The following RNF111 variants were observed in gnomAD, a reference collection of about 807,000 sequenced individuals.
RNF111 encodes E3 ubiquitin-protein ligase Arkadia.
RNF111 carries 17 observed loss-of-function variants against 95.1 expected under a neutral mutation model. The observed-to-expected ratio is 0.18, with a 90% CI of 0.12 to 0.27. RNF111 has a LOEUF of 0.27. Among genes scored for constraint, RNF111 ranks in the 10% least tolerant of loss-of-function variants. The pLI is 1.00. For synonymous variants in RNF111, 440 were observed against 414.8 expected, an observed-to-expected ratio of 1.06 and a Z score of -0.74; for missense variants, 1,189 against 1,210.4, an observed-to-expected ratio of 0.98 and a Z score of 0.26.
At chr15:59,046,504 T>C (rs2041716289) in intron 2 of RNF111, among the ~76,000 whole-genome samples, 1 of 152,218 alleles carries the variant, frequency 6.6e-6, no homozygotes, top group Non-Finnish European at 1.5e-5. Flanking sequence ...GTTCTGTTCT[T>C]TGGAGTATTG....
chr15:59,012,310 C>T (rs2039864735), intron 1 of RNF111, among the ~76,000 whole-genome samples: 1 of 152,092 alleles, frequency 6.6e-6, no homozygotes, highest in Non-Finnish European at 1.5e-5. Context: ...TGAGCCACTG[C>T]ACCTGGCCTG....
At chr15:59,058,255 GT>G (rs1198614304) in intron 4 of RNF111, 100 bp from the exon 5 acceptor site, 4 of 967,916 alleles carry the variant, frequency 4.1e-6, no homozygotes, top group East Asian at 2.7e-5. Flanking sequence ...TATTTTTAAA[GT>G]TTTTTTATTT....
At chr15:59,047,252 T>C (rs1384467070) in intron 2 of RNF111, among the ~76,000 whole-genome samples, 2 of 152,180 alleles carry the variant, frequency 1.3e-5, no homozygotes, top group Non-Finnish European at 1.5e-5. Context: ...TCCTAGCACT[T>C]TGGGAGTCCA....
intron 2 of RNF111, among the ~76,000 whole-genome samples, chr15:59,050,031 C>T (rs533227694): frequency 4.6e-5 from 7 of 150,590 alleles, no homozygotes; most frequent in South Asian, 4.2e-4. Flanking sequence ...TGAGCCACCA[C>T]GCCCGGCCCA....
intron 1 of RNF111, among the ~76,000 whole-genome samples, chr15:59,018,484 T>A (rs572070731): frequency 6.6e-6 from 1 of 152,180 alleles, no homozygotes; most frequent in Admixed American, 6.5e-5. Flanking sequence ...TTTAAATATA[T>A]TATGTTCTCA....
chr15:59,004,979 C>T (rs1000766926), intron 1 of RNF111, among the ~76,000 whole-genome samples: 3 of 152,164 alleles, frequency 2.0e-5, no homozygotes, highest in Non-Finnish European at 2.9e-5. Context: ...TGTGTTGATT[C>T]TAGGCATATA....
In RNF111 at chr15:59,094,930, C is replaced by G. The variant is rs2079152238; in HGVS notation, c.*30C>G. 2 of 1,265,850 alleles carry G rather than the reference C, an allele frequency of 1.6e-6. No individual in the cohort carries two copies. The highest frequency in any genetic ancestry group is 1.5e-5 in the African/African-American group (1 of 68,134). 78.4% of individuals were successfully genotyped at this position (1,265,850 alleles called of 1,614,324 possible). On this transcript the variant is annotated 3_prime_UTR_variant, in exon 14 of 14. Transcript: ENST00000348370. ...ATGTTTCAGAACTCTTGCCCTCCCTCTCATTCCCATCCTTCCTGGTACTGC... is the reference window on the plus strand; with the variant it reads ...ATGTTTCAGAACTCTTGCCCTCCCTGTCATTCCCATCCTTCCTGGTACTGC...
chr15:59,044,262 C>T (rs962205426), intron 2 of RNF111, among the ~76,000 whole-genome samples: 3 of 152,156 alleles, frequency 2.0e-5, no homozygotes, highest in African/African-American at 7.2e-5. Flanking sequence ...AACTCCTGAC[C>T]TCAGGTGATC....
intron 1 of RNF111, among the ~76,000 whole-genome samples, chr15:59,023,177 G>A (rs779685201): frequency 6.6e-6 from 1 of 152,184 alleles, no homozygotes; most frequent in Non-Finnish European, 1.5e-5. Flanking sequence ...GAATCCGGGA[G>A]GCGTAGGTTG....
At chr15:59,055,486 T>C (rs896801137) in intron 3 of RNF111, among the ~76,000 whole-genome samples, 196 bp from the exon 4 acceptor site, 8 of 141,964 alleles carry the variant, frequency 5.6e-5, no homozygotes, top group Non-Finnish European at 1.1e-4. Context: ...CACTAATGAT[T>C]GGTACAACAT....
intron 7 of RNF111, among the ~76,000 whole-genome samples, chr15:59,080,444 A>G (rs2078707257): frequency 6.6e-6 from 1 of 152,052 alleles, no homozygotes; most frequent in African/African-American, 2.4e-5. Context: ...TCTTGATGGA[A>G]ATATTAATTA....
At chr15:59,069,741 C>A (rs1287965290) in intron 6 of RNF111, among the ~76,000 whole-genome samples, 1 of 152,042 alleles carries the variant, frequency 6.6e-6, no homozygotes, top group Non-Finnish European at 1.5e-5. Flanking sequence ...CTAAAATTAA[C>A]CAAATGCTCA....
chr15:59,034,900 C>T (rs1201911613), intron 2 of RNF111, among the ~76,000 whole-genome samples: 1 of 152,148 alleles, frequency 6.6e-6, no homozygotes, highest in Non-Finnish European at 1.5e-5. Flanking sequence ...ACAACTTTTT[C>T]ATACAATGTG....
chr15:59,094,095 T>C lies in RNF111; in HGVS notation c.2844-688T>C, dbSNP rs543834523. ...TGCTTGGGGGCTTTATTTCTCAATT[T>C]CTAATTGGTAATTTGGCATGATGTA... On this transcript the variant is annotated intron_variant, in intron 13 of 13. Transcript: ENST00000348370. 2.1e-4 allele frequency among the ~76,000 whole-genome samples: 32 copies of C among 152,310 alleles called. 1 individual carries two copies. The South Asian group carries it at 6.2e-3, about 30-fold the overall frequency.
rs1402544056 is a variant in RNF111, at chr15:59,067,521, T to C, written c.1686+438T>C. On this transcript the variant is annotated intron_variant, in intron 6 of 13. Transcript: ENST00000348370. ...TTATACACTAAATTAATCACATTCTTACACTCGAAAATGGCCTAATTTAGT... is the reference window on the plus strand; with the variant it reads ...TTATACACTAAATTAATCACATTCTCACACTCGAAAATGGCCTAATTTAGT... Among the ~76,000 whole-genome samples, 4 of 152,176 alleles carry C rather than the reference T, an allele frequency of 2.6e-5. No individual in the cohort carries two copies. In the East Asian group the frequency reaches 7.7e-4, roughly 29 times the overall value.
intron 1 of RNF111, among the ~76,000 whole-genome samples, chr15:59,027,865 G>T (rs1375629901): frequency 2.1e-5 from 3 of 142,950 alleles, no homozygotes; most frequent in African/African-American, 2.6e-5. Flanking sequence ...CACTCTTGTT[G>T]TCCAAGCTGG....
chr15:59,038,960 G>A (rs1251072759), intron 2 of RNF111, among the ~76,000 whole-genome samples: 1 of 151,894 alleles, frequency 6.6e-6, no homozygotes, highest in Admixed American at 6.6e-5. Context: ...TATTAGGGGT[G>A]CAAAATATTG....
chr15:59,034,144 T>C (rs1471551038), intron 2 of RNF111, among the ~76,000 whole-genome samples: 1 of 152,232 alleles, frequency 6.6e-6, no homozygotes, highest in African/African-American at 2.4e-5. Flanking sequence ...TCTTTTTATA[T>C]CACTATGTAT....
At chr15:59,062,006 ACT>A (rs1596243175) in intron 5 of RNF111, among the ~76,000 whole-genome samples, 1 of 139,570 alleles carries the variant, frequency 7.2e-6, no homozygotes, top group Non-Finnish European at 1.5e-5. Flanking sequence ...TATGCTGATG[ACT>A]CTCTCTTCTG....
Sources: allele counts gnomAD v4.1 joint callset (sites outside exome capture counted in the v4.1 genomes callset), GRCh38; gene constraint gnomAD v4.1.1; transcripts MANE v1.5; gene names NCBI Gene and HGNC (gene_info 2026-07-23, HGNC 2026-07-21).